Variants in NELL2 observed in about 807,000 individuals in gnomAD.
The protein encoded by NELL2 is protein kinase C-binding protein NELL2.
A neutral mutation model predicts 109.6 loss-of-function variants in NELL2; 41 were observed. That is an observed-to-expected ratio of 0.37 (90% CI 0.29 to 0.49). The LOEUF is 0.49. NELL2 is among the 20% of genes least tolerant of loss of function. NELL2 has a pLI of 0.98. For synonymous variants in NELL2, 355 were observed against 344.7 expected, an observed-to-expected ratio of 1.03 and a Z score of -0.33; for missense variants, 900 against 1,008.3, an observed-to-expected ratio of 0.89 and a Z score of 1.45.
intron 9 of NELL2, among the ~76,000 whole-genome samples, chr12:44,751,460 A>G (rs1215750976): frequency 1.3e-5 from 2 of 152,182 alleles, no homozygotes; most frequent in Non-Finnish European, 2.9e-5. Context: ...ATTCATCAAA[A>G]TCTAGTATTT....
chr12:44,841,954 TAAAA>T (rs1421403881), intron 2 of NELL2, among the ~76,000 whole-genome samples: 1 of 149,264 alleles, frequency 6.7e-6, no homozygotes, highest in Non-Finnish European at 1.5e-5. Context: ...TGACAGAAAA[TAAAA>T]AAGAAAAAGA....
At chr12:44,891,922 T>C (rs1335456667) in intron 1 of NELL2, among the ~76,000 whole-genome samples, 2 of 152,226 alleles carry the variant, frequency 1.3e-5, no homozygotes, top group South Asian at 2.1e-4. Flanking sequence ...ATTTATCAAC[T>C]GTATGAGTAA....
chr12:44,513,051 C>T (rs942359453), intron 19 of NELL2, among the ~76,000 whole-genome samples: 2 of 151,926 alleles, frequency 1.3e-5, no homozygotes, highest in African/African-American at 4.8e-5. Context: ...ACATATGTAT[C>T]AACACTCTGT....
rs543102333 is a variant in NELL2, at chr12:44,572,703, A to G, written c.1663+34466T>C. Reference sequence around the variant, plus strand: ...AGATTTAGTTTAGACGGTAGAATGAACAACAGCACATATTCTAGCAAAAAC... The same window carrying G: ...AGATTTAGTTTAGACGGTAGAATGAGCAACAGCACATATTCTAGCAAAAAC... On this transcript the variant is annotated intron_variant, in intron 15 of 19. Transcript: ENST00000429094. Among the ~76,000 whole-genome samples the G allele has an allele frequency of 3.3e-5, 5 of 152,332 alleles. 1 individual carries two copies. Among genetic ancestry groups the G allele is most frequent in the Admixed American group, 3.3e-4 (5 of 15,300 alleles).
chr12:44,668,888 C>T (rs1436734988), intron 12 of NELL2, among the ~76,000 whole-genome samples: 1 of 151,978 alleles, frequency 6.6e-6, no homozygotes, highest in Non-Finnish European at 1.5e-5. Context: ...TCAGTTGGCC[C>T]ACCACTGCAA....
intron 9 of NELL2, among the ~76,000 whole-genome samples, chr12:44,767,108 C>G (rs1436225453): frequency 6.6e-6 from 1 of 152,130 alleles, no homozygotes; most frequent in African/African-American, 2.4e-5. Context: ...ACTTTCATAT[C>G]AGACAAAAGG....
chr12:44,838,219 C>A (rs4499065), intron 2 of NELL2, among the ~76,000 whole-genome samples: 123,981 of 152,076 alleles, frequency 0.82, 50,990 homozygotes, highest in Middle Eastern at 0.94. Context: ...AGGTAATAAA[C>A]CCCAATGAGA....
At chr12:44,624,402 G>T (rs1946161294) in intron 13 of NELL2, among the ~76,000 whole-genome samples, 1 of 151,974 alleles carries the variant, frequency 6.6e-6, no homozygotes, top group Admixed American at 6.6e-5. Context: ...GCAATGTCCT[G>T]CTCTAGGGAA....
intron 13 of NELL2, among the ~76,000 whole-genome samples, chr12:44,654,126 A>AT (rs1451359399): frequency 1.3e-5 from 2 of 152,152 alleles, no homozygotes; most frequent in East Asian, 3.8e-4. Flanking sequence ...CTCTCTGCAC[A>AT]TTTTTTGGCT....
At chr12:44,898,576 C>T (rs138407677) in intron 1 of NELL2, among the ~76,000 whole-genome samples, 18 of 152,224 alleles carry the variant, frequency 1.2e-4, no homozygotes, top group African/African-American at 2.6e-4. Flanking sequence ...ACAAAAAGAA[C>T]GCCCGTGCAA....
chr12:44,826,820 T>C (rs1290838438), intron 2 of NELL2, among the ~76,000 whole-genome samples: 1 of 152,196 alleles, frequency 6.6e-6, no homozygotes, highest in African/African-American at 2.4e-5. Flanking sequence ...CTTCCTATTT[T>C]ACACAACAGT....
chr12:44,720,271 C>T (rs1938697042), intron 9 of NELL2, among the ~76,000 whole-genome samples: 1 of 152,150 alleles, frequency 6.6e-6, no homozygotes, highest in African/African-American at 2.4e-5. Flanking sequence ...AGCATGGGCC[C>T]TGCATAATAT....
At chr12:44,700,259 C>T (rs765735799) in intron 12 of NELL2, among the ~76,000 whole-genome samples, 4 of 152,176 alleles carry the variant, frequency 2.6e-5, no homozygotes, top group African/African-American at 4.8e-5. Context: ...TTAAGACAAG[C>T]CCTCACTGGC....
In NELL2 at chr12:44,727,510, T is replaced by C. The variant is rs184915709; in HGVS notation, c.995-12769A>G. ...AATAAAAGTAACAGAAGTGGAAAAATGGAGAAGAAGAGGGAGATGGAGAGG... is the reference window on the plus strand; with the variant it reads ...AATAAAAGTAACAGAAGTGGAAAAACGGAGAAGAAGAGGGAGATGGAGAGG... On this transcript the variant is annotated intron_variant, in intron 9 of 19. Coordinates refer to ENST00000429094, the MANE Select transcript of NELL2 (RefSeq NM_001145108.2). Among the ~76,000 whole-genome samples, 3 of 151,270 alleles carry C rather than the reference T, an allele frequency of 2.0e-5. No homozygotes were observed. The East Asian group carries it at 5.8e-4, about 29-fold the overall frequency.
At chr12:44,643,003 A>T (rs7295999) in intron 13 of NELL2, among the ~76,000 whole-genome samples, 89,000 of 152,100 alleles carry the variant, frequency 0.59, 26,668 homozygotes, top group East Asian at 0.73. Context: ...CATTTAAACC[A>T]ATAAAAGGAA....
chr12:44,563,150 C>T (rs1282501549), intron 15 of NELL2, among the ~76,000 whole-genome samples: 2 of 152,036 alleles, frequency 1.3e-5, no homozygotes, highest in Non-Finnish European at 2.9e-5. Flanking sequence ...ACATCACACA[C>T]TGGGGCCTGT....
upstream of NELL2, among the ~76,000 whole-genome samples, chr12:44,916,723 C>T (rs965787009): frequency 1.3e-5 from 2 of 152,126 alleles, no homozygotes; most frequent in African/African-American, 4.8e-5. Context: ...CCCTTCAAGG[C>T]AAACCATTAT....
At chr12:44,713,312 A>T (rs1938320631) in intron 10 of NELL2, among the ~76,000 whole-genome samples, 1 of 151,682 alleles carries the variant, frequency 6.6e-6, no homozygotes, top group Non-Finnish European at 1.5e-5. Flanking sequence ...TTAGAACCAA[A>T]ATTTTAATGT....
chr12:44,549,924 C>T (rs542902562), intron 15 of NELL2, among the ~76,000 whole-genome samples: 2 of 151,948 alleles, frequency 1.3e-5, no homozygotes, highest in Admixed American at 1.3e-4. Flanking sequence ...ACAAAAGACC[C>T]GGGATAGCCA....
Sources: gnomAD v4.1 joint callset for allele counts (sites outside exome capture counted in the v4.1 genomes callset) on GRCh38, gnomAD v4.1.1 for gene constraint, MANE v1.5 for transcripts, NCBI Gene and HGNC (gene_info 2026-07-23, HGNC 2026-07-21) for gene names.